Variants in CA8 observed in about 807,000 individuals in gnomAD.
The protein encoded by CA8 is carbonic anhydrase-related protein.
A neutral mutation model predicts 41.4 loss-of-function variants in CA8; 22 were observed. The ratio of observed to expected loss-of-function variants is 0.53; its 90% CI spans 0.38 to 0.76. The LOEUF (loss-of-function observed/expected upper bound fraction) is 0.76. CA8 is among the 30% of genes least tolerant of loss of function. The pLI is 0.00. For synonymous variants in CA8, 121 were observed against 130.6 expected (o/e 0.93, Z 0.50); for missense variants, 270 against 352.8 (o/e 0.77, Z 1.88).
intron 3 of CA8, among the ~76,000 whole-genome samples, chr8:60,247,203 C>A (rs1317280954): frequency 6.6e-6 from 1 of 152,088 alleles, no homozygotes; most frequent in Non-Finnish European, 1.5e-5. Flanking sequence ...TTTACAGTGA[C>A]CACTTCATGG....
At chr8:60,233,450 A>C (rs1381053761) in intron 3 of CA8, among the ~76,000 whole-genome samples, 4 of 152,222 alleles carry the variant, frequency 2.6e-5, no homozygotes, top group African/African-American at 9.6e-5. Flanking sequence ...ATAATAGAAC[A>C]GATAACTAGG....
At chr8:60,227,022 T>C (rs891161770) in intron 4 of CA8, 87 bp from the exon 5 acceptor site, 4 of 941,448 alleles carry the variant, frequency 4.2e-6, no homozygotes, top group Non-Finnish European at 7.0e-6. Context: ...CTGAGTGTGG[T>C]GGCTCATGCC....
At chr8:60,269,561 A>G (rs1804003142) in intron 2 of CA8, among the ~76,000 whole-genome samples, 1 of 152,242 alleles carries the variant, frequency 6.6e-6, no homozygotes, top group Non-Finnish European at 1.5e-5. Context: ...CTTTTGTAAG[A>G]TCTGAAAACC....
At chr8:60,250,901 C>T (rs1808418469) in intron 3 of CA8, among the ~76,000 whole-genome samples, 1 of 152,150 alleles carries the variant, frequency 6.6e-6, no homozygotes, top group Non-Finnish European at 1.5e-5. Context: ...ACCTACCATT[C>T]TAAATTTATC....
chr8:60,279,971 A>G (rs2130640598), intron 1 of CA8, 91 bp from the exon 2 acceptor site: 1 of 1,023,256 alleles, frequency 9.8e-7, no homozygotes, highest in Non-Finnish European at 1.5e-6. Flanking sequence ...AGAACCCTTG[A>G]TATCATGAAG....
chr8:60,195,847 T>C (rs935559833), intron 8 of CA8, among the ~76,000 whole-genome samples: 1 of 152,136 alleles, frequency 6.6e-6, no homozygotes, highest in Non-Finnish European at 1.5e-5. Flanking sequence ...TTCTCACTCA[T>C]GACAGCATCG....
At chr8:60,231,378 A>G (rs1243737940) in intron 4 of CA8, among the ~76,000 whole-genome samples, 2 of 152,234 alleles carry the variant, frequency 1.3e-5, no homozygotes, top group East Asian at 1.9e-4. Flanking sequence ...TCAAACATCA[A>G]TAAAGACATA....
At chr8:60,242,056 T>G (rs575659333) in intron 3 of CA8, among the ~76,000 whole-genome samples, 2 of 152,202 alleles carry the variant, frequency 1.3e-5, no homozygotes, top group Admixed American at 6.5e-5. Context: ...GTTCACTGCT[T>G]CTGGCACTGG....
At chr8:60,219,096 T>A (rs1807137726) in intron 7 of CA8, among the ~76,000 whole-genome samples, 1 of 152,052 alleles carries the variant, frequency 6.6e-6, no homozygotes, top group South Asian at 2.1e-4. Context: ...TATGCTCCCA[T>A]CCTCACTACT....
At chr8:60,210,189 A>C (rs1451429568) in intron 7 of CA8, among the ~76,000 whole-genome samples, 1 of 152,204 alleles carries the variant, frequency 6.6e-6, no homozygotes, top group Non-Finnish European at 1.5e-5. Context: ...CTCTTTAGGA[A>C]TTCTAGTCAA....
intron 7 of CA8, among the ~76,000 whole-genome samples, chr8:60,214,911 T>C (rs11994656): frequency 4.6e-5 from 7 of 151,698 alleles, no homozygotes; most frequent in African/African-American, 1.7e-4. Context: ...TTATTTTAAG[T>C]TGAAAGAGAC....
At chr8:60,266,375 A>G (rs112626989) in intron 2 of CA8, among the ~76,000 whole-genome samples, 5 of 152,362 alleles carry the variant, frequency 3.3e-5, no homozygotes, top group African/African-American at 1.2e-4. Flanking sequence ...TAAGCTTAGC[A>G]CTGATCAGGA....
chr8:60,239,086 A>G (rs1807930318), intron 3 of CA8, among the ~76,000 whole-genome samples: 1 of 152,182 alleles, frequency 6.6e-6, no homozygotes, highest in South Asian at 2.1e-4. Context: ...CAAAAGGGAG[A>G]TAAATTCAGG....
rs1240357471 is a variant in CA8 at position 60,195,121 on chromosome 8, C to T, written c.*36-5136G>A. ...TTTTCTCCAAATATTCATTTATCTA[C>T]ATCTAAATAATAAGGAAGCTTACTC... On this transcript the variant is annotated intron_variant, in intron 8 of 8. Coordinates refer to ENST00000317995, the MANE Select transcript of CA8 (RefSeq NM_004056.6). Among the ~76,000 whole-genome samples, 9 of 152,302 alleles carry T rather than the reference C, an allele frequency of 5.9e-5. No individual in the cohort carries two copies. The East Asian group carries it at 1.7e-3, about 29-fold the overall frequency.
intron 3 of CA8, among the ~76,000 whole-genome samples, chr8:60,234,153 C>CA (rs1318677816): frequency 6.6e-6 from 1 of 152,128 alleles, no homozygotes; most frequent in Non-Finnish European, 1.5e-5. Flanking sequence ...ACCCATAACC[C>CA]AATCTAGCCA....
chr8:60,254,011 G>C (rs1003485713), intron 3 of CA8, among the ~76,000 whole-genome samples: 11 of 152,166 alleles, frequency 7.2e-5, no homozygotes, highest in African/African-American at 2.7e-4. Flanking sequence ...CTCAGCACCA[G>C]CCACAGTGGC....
At chr8:60,277,376 G>A (rs900201493) in intron 2 of CA8, among the ~76,000 whole-genome samples, 14 of 151,222 alleles carry the variant, frequency 9.3e-5, no homozygotes, top group African/African-American at 2.7e-4. Flanking sequence ...TTTTTGAGAC[G>A]GAGTTTTGCT....
chr8:60,214,162 GAA>G (rs1806935951), intron 7 of CA8, among the ~76,000 whole-genome samples: 1 of 152,238 alleles, frequency 6.6e-6, no homozygotes, highest in South Asian at 2.1e-4. Flanking sequence ...ATAAAGAACA[GAA>G]ATGTATTTTC....
chr8:60,273,574 G>A (rs1804137294), intron 2 of CA8, among the ~76,000 whole-genome samples: 2 of 152,208 alleles, frequency 1.3e-5, no homozygotes, highest in Non-Finnish European at 1.5e-5. Flanking sequence ...AGGAGAAGAG[G>A]GTTCAGAAGG....
Sources: gnomAD v4.1 joint callset for allele counts (sites outside exome capture counted in the v4.1 genomes callset) on GRCh38, gnomAD v4.1.1 for gene constraint, MANE v1.5 for transcripts, NCBI Gene and HGNC (gene_info 2026-07-23, HGNC 2026-07-21) for gene names.